The following ABCA10 variants were observed in gnomAD, a reference collection of about 807,000 sequenced individuals.
ABCA10 encodes ATP-binding cassette sub-family A member 10.
Under a neutral mutation model 187.5 loss-of-function variants are expected in ABCA10, and 169 were observed. That is an observed-to-expected ratio of 0.90 (90% CI 0.80 to 1.02). ABCA10 has a LOEUF of 1.02. ABCA10 is among the 50% of genes least tolerant of loss of function. The pLI is 0.00. For missense variants in ABCA10, 1,727 were observed against 1,812.4 expected (o/e 0.95, Z 0.86); for synonymous variants, 574 against 601.8 (o/e 0.95, Z 0.68).
chr17:69,178,919 C>T (rs2074356482), intron 22 of ABCA10: 1 of 152,114 alleles, frequency 6.6e-6, no homozygotes, highest in Admixed American at 6.6e-5. Context: ...AGAGAACTCA[C>T]CTTCCCTGGA....
intron 9 of ABCA10, among the ~76,000 whole-genome samples, chr17:69,212,082 T>G (rs528180766): frequency 1.6e-4 from 25 of 152,220 alleles, no homozygotes; most frequent in Non-Finnish European, 3.5e-4. Context: ...TGTCTATTTG[T>G]GCTCTTTCAG....
chr17:69,243,692 G>C (rs1277787202), intron 1 of ABCA10, among the ~76,000 whole-genome samples: 1 of 152,194 alleles, frequency 6.6e-6, no homozygotes, highest in Non-Finnish European at 1.5e-5. Flanking sequence ...AAGCCCAGGA[G>C]TTTGAGACCA....
At position 69,225,442 on chromosome 17, in the gene ABCA10, T is replaced by C. The variant is rs1194478111; in HGVS notation, c.-84A>G. The C allele has an allele frequency of 4.8e-6, 7 of 1,462,826 alleles. No individual in the cohort carries two copies. The highest frequency in any genetic ancestry group is 3.6e-5 in the Admixed American group (2 of 55,618). The allele number at this position is 1,462,826 out of a possible 1,614,324, so 90.6% of individuals were successfully genotyped here. A position where few individuals can be genotyped will look rare whatever the true frequency, so the allele number is the denominator to read the frequency against. ...AACTGATCCACGCTTCCCAGGACTT[T>C]AGGAGGTTGTTCAGGAAAACGGGTA... On this transcript the variant is annotated 5_prime_UTR_variant, in exon 3 of 39. Coordinates refer to ENST00000690296, the MANE Select transcript of ABCA10 (RefSeq NM_001377321.1).
chr17:69,214,924 T>G, intron 8 of ABCA10, 73 bp from the exon 9 acceptor site: 1 of 1,047,280 alleles, frequency 9.5e-7, no homozygotes, highest in Non-Finnish European at 1.3e-6. Flanking sequence ...TTTTAAAAAA[T>G]AGTGGTACCT....
At chr17:69,182,608 A>C (rs1288552856) in intron 21 of ABCA10, 67 bp downstream of exon 21, 2 of 1,442,728 alleles carry the variant, frequency 1.4e-6, no homozygotes, top group East Asian at 4.7e-5. Context: ...TATAGTTCTA[A>C]GTATTAGGAC....
In ABCA10 at chr17:69,237,151, G is replaced by A. The variant is rs1416899042; in HGVS notation, c.-593+7378C>T. On this transcript the variant is annotated intron_variant, in intron 1 of 39. Transcript: ENST00000269081. ...AATTCATGATGTCATCAATGGAGTC[G>A]ACAAGTCTTACGTTCTATGAAATGA... is the stretch of plus-strand genomic sequence containing the variant. 4.6e-5 allele frequency among the ~76,000 whole-genome samples: 7 copies of A among 152,110 alleles called. No individual in the cohort carries two copies. In the East Asian group the frequency reaches 5.8e-4, roughly 13 times the overall value.
chr17:69,169,761 C>T (rs913438160), intron 25 of ABCA10, among the ~76,000 whole-genome samples: 3 of 151,994 alleles, frequency 2.0e-5, no homozygotes, highest in East Asian at 1.9e-4. Context: ...AAATATGATA[C>T]GTATCAAAAA....
intron 25 of ABCA10, among the ~76,000 whole-genome samples, chr17:69,166,621 G>A (rs146438880): frequency 6.6e-6 from 1 of 152,218 alleles, no homozygotes; most frequent in Non-Finnish European, 1.5e-5. Context: ...TTAAATAAAA[G>A]GTTAAAGATC....
In ABCA10 at chr17:69,189,230, T is replaced by G. The variant is rs529112924; in HGVS notation, c.2131+1128A>C. On this transcript the variant is annotated intron_variant, in intron 18 of 38. Transcript: ENST00000690296. ...ACTTTTTAATAATAGCTATTTTGAC[T>G]GGTGTGAGATGGTATCTCGTGGTTT... Among the ~76,000 whole-genome samples the G allele has an allele frequency of 5.0e-4, 76 of 152,316 alleles. No individual in the cohort carries two copies. The South Asian group carries it at 7.3e-3, about 15-fold the overall frequency.
rs2074162707 is a variant in ABCA10 at position 69,155,003 on chromosome 17, G to A, written c.3694+16C>T. 1.3e-6 allele frequency: 2 copies of A among 1,516,736 alleles called. No individual in the cohort carries two copies. The highest frequency in any genetic ancestry group is 1.8e-6 in the Non-Finnish European group (2 of 1,099,730). 94.0% of individuals were successfully genotyped at this position (1,516,736 alleles called of 1,614,324 possible). Reference sequence around the variant, plus strand: ...AGGAACATTATAATAATAATAAAAGGAACAATTGTTCAAACCTTTTTTAAC... The same window carrying A: ...AGGAACATTATAATAATAATAAAAGAAACAATTGTTCAAACCTTTTTTAAC... On this transcript the variant is annotated intron_variant, in intron 30 of 38. Transcript: ENST00000690296.
chr17:69,182,746 C>T lies in ABCA10; in HGVS notation c.2560G>A (p.Asp854Asn). 6.2e-7 allele frequency: 1 copy of T among 1,611,738 alleles called. No individual in the cohort carries two copies. The highest frequency in any genetic ancestry group is 1.3e-5 in the African/African-American group (1 of 74,692). Reference protein sequence around the residue: ...KCQDIVLEIDDFRNRNGSDDP... With the variant: ...KCQDIVLEIDNFRNRNGSDDP... ...TCTGAGCCATTTCTGTTTCTAAAGT[C>T]ATCTATTTCCAAAACTATATCCTGA... Residue 854 changes from aspartate (D) to asparagine (N), a missense_variant, in exon 21 of 39, where the codon GAC (aspartate) becomes AAC (asparagine). Transcript: ENST00000690296.
At chr17:69,242,110 A>T (rs897951003) in intron 1 of ABCA10, among the ~76,000 whole-genome samples, 1 of 152,226 alleles carries the variant, frequency 6.6e-6, no homozygotes, top group African/African-American at 2.4e-5. Context: ...GTATAATTTT[A>T]ATCTCATTCT....
intron 11 of ABCA10, among the ~76,000 whole-genome samples, chr17:69,195,921 T>A (rs2074496901): frequency 6.6e-6 from 1 of 152,194 alleles, no homozygotes; most frequent in South Asian, 2.1e-4. Flanking sequence ...AGAATTTTTC[T>A]TAGTACAGAA....
At chr17:69,151,436 T>C (rs564341131) in intron 36 of ABCA10, among the ~76,000 whole-genome samples, 4 of 152,198 alleles carry the variant, frequency 2.6e-5, no homozygotes, top group Non-Finnish European at 4.4e-5. Context: ...TCAATAAATA[T>C]AACAAATATT....
chr17:69,213,834 T>C (rs970969469), intron 9 of ABCA10, among the ~76,000 whole-genome samples: 1 of 152,216 alleles, frequency 6.6e-6, no homozygotes, highest in African/African-American at 2.4e-5. Context: ...AAAATTCAGC[T>C]AGGAGCTTCC....
chr17:69,198,049 C>T (rs1332974556), intron 10 of ABCA10, among the ~76,000 whole-genome samples: 1 of 152,122 alleles, frequency 6.6e-6, no homozygotes, highest in East Asian at 1.9e-4. Flanking sequence ...TACTATCTAC[C>T]CAGGAACTCA....
At chr17:69,202,833 A>T (rs3891333) in intron 9 of ABCA10, among the ~76,000 whole-genome samples, 13,064 of 152,224 alleles carry the variant, frequency 0.086, 728 homozygotes, top group Admixed American at 0.16. Context: ...AAGAAAATAA[A>T]TGAGATGGTG....
At chr17:69,196,732 T>C (rs569826093) in intron 11 of ABCA10, among the ~76,000 whole-genome samples, 39 of 152,258 alleles carry the variant, frequency 2.6e-4, no homozygotes, top group Non-Finnish European at 5.1e-4. Context: ...CACTGAGCAC[T>C]GAGTGAGCGA....
At chr17:69,185,395 T>G in intron 20 of ABCA10, 82 bp downstream of exon 20, 1 of 1,383,248 alleles carries the variant, frequency 7.2e-7, no homozygotes, top group Non-Finnish European at 9.6e-7. Context: ...ACCATTTTTG[T>G]TTTCAATTGT....
Sources: allele counts gnomAD v4.1 joint callset (sites outside exome capture counted in the v4.1 genomes callset), GRCh38; gene constraint gnomAD v4.1.1; transcripts MANE v1.5; gene names NCBI Gene and HGNC (gene_info 2026-07-23, HGNC 2026-07-21).